SLC35F3: variants seen among roughly 807,000 people sequenced by gnomAD.
SLC35F3 encodes putative thiamine transporter SLC35F3.
In SLC35F3, 25 loss-of-function variants were observed where a neutral mutation model predicts 49.9. The ratio of observed to expected loss-of-function variants is 0.50; its 90% confidence interval spans 0.37 to 0.70. SLC35F3 has a LOEUF of 0.70. SLC35F3 is among the 30% of genes least tolerant of loss of function. The pLI, the probability that SLC35F3 is intolerant of heterozygous loss-of-function variation, is 0.00. For synonymous variants in SLC35F3, 275 were observed against 265.4 expected (o/e 1.04, Z -0.35); for missense variants, 525 against 639.8 (o/e 0.82, Z 1.94).
chr1:234,107,185 A>T (rs1347046693), intron 2 of SLC35F3, among the ~76,000 whole-genome samples: 2 of 152,166 alleles, frequency 1.3e-5, no homozygotes, highest in Non-Finnish European at 2.9e-5. Context: ...CTTGCCTCCC[A>T]AATTCCTGGG....
intron 2 of SLC35F3, among the ~76,000 whole-genome samples, chr1:234,187,122 A>G (rs773347220): frequency 2.0e-5 from 3 of 152,152 alleles, no homozygotes; most frequent in East Asian, 3.8e-4. Flanking sequence ...GCTCTTGTCA[A>G]TGTTGATGCT....
At chr1:234,279,076 C>G (rs1668262643) in intron 3 of SLC35F3, among the ~76,000 whole-genome samples, 1 of 152,154 alleles carries the variant, frequency 6.6e-6, no homozygotes, top group African/African-American at 2.4e-5. Flanking sequence ...TTTAGAGAAA[C>G]ATGAGACATC....
At chr1:234,094,733 G>A (rs899724535) in intron 2 of SLC35F3, among the ~76,000 whole-genome samples, 1 of 152,188 alleles carries the variant, frequency 6.6e-6, no homozygotes. Flanking sequence ...TATGAGGCAT[G>A]AGGGAGGCTT....
intron 3 of SLC35F3, among the ~76,000 whole-genome samples, chr1:234,308,791 A>C (rs1195784304): frequency 6.6e-6 from 1 of 151,836 alleles, no homozygotes; most frequent in Non-Finnish European, 1.5e-5. Context: ...CCCTCAGTCA[A>C]TCACCATAGA....
intron 2 of SLC35F3, among the ~76,000 whole-genome samples, chr1:234,176,045 C>T (rs1022721263): frequency 6.6e-6 from 1 of 152,250 alleles, no homozygotes; most frequent in Admixed American, 6.5e-5. Context: ...GTGCCTGGGA[C>T]TTGTCCCCAC....
intron 2 of SLC35F3, among the ~76,000 whole-genome samples, chr1:234,007,081 C>T (rs989397613): frequency 1.3e-5 from 2 of 152,050 alleles, no homozygotes; most frequent in African/African-American, 4.8e-5. Flanking sequence ...TGGTTGTGTT[C>T]CCGTAAAACT....
chr1:234,146,628 C>T (rs556740501), intron 2 of SLC35F3, among the ~76,000 whole-genome samples: 6 of 152,050 alleles, frequency 3.9e-5, no homozygotes, highest in Non-Finnish European at 7.4e-5. Context: ...GATTCTCCTG[C>T]CTCAGCCTCC....
intron 2 of SLC35F3, among the ~76,000 whole-genome samples, chr1:234,076,425 C>T (rs1335853025): frequency 2.0e-5 from 3 of 151,846 alleles, no homozygotes; most frequent in Non-Finnish European, 4.4e-5. Context: ...TAGTGAGACC[C>T]TGTCTCTCTC....
chr1:234,145,026 T>G (rs1425955649), intron 2 of SLC35F3, among the ~76,000 whole-genome samples: 2 of 152,190 alleles, frequency 1.3e-5, no homozygotes, highest in African/African-American at 4.8e-5. Context: ...CTGTGTTCTT[T>G]TTGAACAATT....
chr1:234,231,469 CG>C lies in SLC35F3; in HGVS notation c.340del (p.Val114TrpfsTer45). The C allele has an allele frequency of 6.2e-7, 1 of 1,611,012 alleles. No individual in the cohort carries two copies. The highest frequency in any genetic ancestry group is 1.1e-5 in the South Asian group (1 of 90,930). ...GCCCGGCGGAGGCCCAGGCACCGGC[CG>C]GGGTGGAGGCCGGCGGGAGAGCGAG... is the stretch of plus-strand genomic sequence containing the variant. The part of the protein sequence containing the change: ...PGPAEAQAPA[G>X]VEAGGRASRR... On this transcript the variant is annotated frameshift_variant, in exon 3 of 8. Coordinates refer to ENST00000366618, the MANE Select transcript of SLC35F3 (RefSeq NM_173508.4). LOFTEE classifies it high-confidence loss of function. This position sits in a 1 kb window ranked among gnomAD's most constrained non-coding sequence, Gnocchi z 5.4.
chr1:234,291,148 C>A (rs1668500922), intron 3 of SLC35F3, among the ~76,000 whole-genome samples: 1 of 152,240 alleles, frequency 6.6e-6, no homozygotes, highest in Non-Finnish European at 1.5e-5. Context: ...CCCTCCCTGA[C>A]ACACACTGAC....
At chr1:234,233,835 A>T (rs553744142) in intron 3 of SLC35F3, among the ~76,000 whole-genome samples, 1 of 152,192 alleles carries the variant, frequency 6.6e-6, no homozygotes, top group East Asian at 1.9e-4. Flanking sequence ...CCAGCTCTTT[A>T]AAAAAGTTGT....
rs1371470977 is a variant in SLC35F3, at chr1:234,222,190, G to T, written c.284-9227G>T. On this transcript the variant is annotated intron_variant, in intron 2 of 7. Coordinates refer to ENST00000366618, the MANE Select transcript of SLC35F3 (RefSeq NM_173508.4). ...TACAGAAAGAAGCCAAAGAGAAGCT[G>T]TGCATCTTCCAAGCTTTGCCTGGGG... Among the ~76,000 whole-genome samples, 10 of 152,302 alleles carry T rather than the reference G, an allele frequency of 6.6e-5. No homozygotes were observed. The East Asian group carries it at 1.7e-3, about 26-fold the overall frequency.
At chr1:234,011,931 G>A (rs979550955) in intron 2 of SLC35F3, among the ~76,000 whole-genome samples, 2 of 152,040 alleles carry the variant, frequency 1.3e-5, no homozygotes, top group Non-Finnish European at 2.9e-5. Context: ...CCAGGGGACT[G>A]GCACTTAGCA....
chr1:233,943,534 G>A (rs1368735316), intron 2 of SLC35F3, among the ~76,000 whole-genome samples: 3 of 152,162 alleles, frequency 2.0e-5, no homozygotes, highest in African/African-American at 4.8e-5. Context: ...ATAAGAAATG[G>A]ATGAGTGTTG....
At chr1:234,164,266 C>T (rs1443878508) in intron 2 of SLC35F3, among the ~76,000 whole-genome samples, 1 of 151,568 alleles carries the variant, frequency 6.6e-6, no homozygotes, top group African/African-American at 2.4e-5. Flanking sequence ...CCATCTCCCT[C>T]CCTTACTCCC....
chr1:234,188,320 G>A (rs1666677571), intron 2 of SLC35F3, among the ~76,000 whole-genome samples: 1 of 151,996 alleles, frequency 6.6e-6, no homozygotes, highest in African/African-American at 2.4e-5. Context: ...TTCACCCACT[G>A]CCTGGAAACA....
intron 2 of SLC35F3, among the ~76,000 whole-genome samples, chr1:234,161,725 G>A (rs1666230495): frequency 6.6e-6 from 1 of 152,182 alleles, no homozygotes; most frequent in Non-Finnish European, 1.5e-5. Flanking sequence ...AGGATCACTT[G>A]AGCCTGGGAG....
intron 4 of SLC35F3, among the ~76,000 whole-genome samples, chr1:234,314,321 G>C (rs915077833): frequency 6.6e-6 from 1 of 152,196 alleles, no homozygotes; most frequent in African/African-American, 2.4e-5. Flanking sequence ...GAAGCTTTTA[G>C]CTGTTTATTA....
Sources: gnomAD v4.1 joint callset for allele counts (sites outside exome capture counted in the v4.1 genomes callset) on GRCh38, gnomAD v4.1.1 for gene constraint, Gnocchi (gnomAD v3.1) non-coding constraint, MANE v1.5 for transcripts, NCBI Gene and HGNC (gene_info 2026-07-23, HGNC 2026-07-21) for gene names.